The following CRELD1 variants were observed in gnomAD, a reference collection of about 807,000 sequenced individuals.
The protein encoded by CRELD1 is protein disulfide isomerase CRELD1.
A neutral mutation model predicts 58.2 loss-of-function variants in CRELD1; 42 were observed. The ratio of observed to expected loss-of-function variants is 0.72; its 90% CI spans 0.56 to 0.93. The LOEUF is 0.93. CRELD1 is among the 40% of genes least tolerant of loss of function. The probability of loss-of-function intolerance (pLI) is 0.00; values close to 1 mark genes in which losing one functional copy is unlikely to be tolerated. For synonymous variants in CRELD1, 222 were observed against 202.0 expected, an observed-to-expected ratio of 1.10 and a Z score of -0.84; for missense variants, 500 against 540.6, an observed-to-expected ratio of 0.92 and a Z score of 0.74.
intron 3 of CRELD1, among the ~76,000 whole-genome samples, chr3:9,937,025 A>G (rs2085214462): frequency 6.6e-6 from 1 of 152,196 alleles, no homozygotes; most frequent in Non-Finnish European, 1.5e-5. Flanking sequence ...AACATTGTCT[A>G]CAAGTTTTCG....
intron 1 of CRELD1, chr3:9,934,174 C>T: frequency 1.8e-6 from 1 of 544,396 alleles, no homozygotes; most frequent in Non-Finnish European, 3.3e-6. Flanking sequence ...CTTCTGCCCC[C>T]TTGTCAAGGA....
At chr3:9,934,270 C>T in intron 1 of CRELD1, 150 bp from the exon 2 acceptor site, 2 of 647,028 alleles carry the variant, frequency 3.1e-6, no homozygotes, top group South Asian at 1.7e-5. Flanking sequence ...TTTCCCCACC[C>T]ATCCCCACAG....
Position 9,943,161 on chromosome 3 carries a change from C to G in CRELD1, c.902C>G (p.Ser301Cys). 2 of 1,612,970 alleles carry G rather than the reference C, an allele frequency of 1.2e-6. No homozygotes were observed. Among genetic ancestry groups the G allele is most frequent in the Non-Finnish European group, 1.7e-6 (2 of 1,179,856 alleles). ...KCSPGYQQVG[S>C]KCLDVDECET... ...AGCCCTGGCTATCAGCAGGTGGGCT[C>G]CAAGTGTCTCGGTGAGTCTCCTGCT... is the stretch of plus-strand genomic sequence containing the variant. Residue 301 changes from serine to cysteine, a missense_variant, in exon 9 of 11, where the codon TCC (serine) becomes TGC (cysteine). By Grantham distance (112) the Ser-to-Cys change is moderately radical (BLOSUM62 -1). Coordinates refer to ENST00000452070, the MANE Select transcript of CRELD1 (RefSeq NM_001077415.3).
chr3:9,943,950 G>A, intron 10 of CRELD1: 5 of 1,398,266 alleles, frequency 3.6e-6, no homozygotes, highest in Non-Finnish European at 4.1e-6. Flanking sequence ...ACCCGACGCT[G>A]GAAGTTGGGT....
intron 10 of CRELD1, chr3:9,944,031 G>A: frequency 1.2e-6 from 1 of 861,680 alleles, no homozygotes; most frequent in Non-Finnish European, 2.0e-6. Context: ...GGGCTATATG[G>A]CAAGCAAGTC....
rs751134302 is a variant in CRELD1 at position 9,944,331 on chromosome 3, C to T, written c.1049-34C>T. 2.0e-5 allele frequency: 31 copies of T among 1,567,784 alleles called. 1 individual carries two copies. The highest frequency in any genetic ancestry group is 1.7e-4 in the Middle Eastern group (1 of 5,800). On this transcript the variant is annotated intron_variant, in intron 10 of 10. Coordinates refer to ENST00000452070, the MANE Select transcript of CRELD1 (RefSeq NM_001077415.3). ...CCAAGAACTACCAGGAACAGGGATA[C>T]GAGTGCCAGGCTGCATCTCTTGCTC...
intron 3 of CRELD1, among the ~76,000 whole-genome samples, chr3:9,935,441 G>A (rs2085162140): frequency 1.3e-5 from 2 of 152,158 alleles, no homozygotes; most frequent in African/African-American, 4.8e-5. Flanking sequence ...CAGAAAAAGT[G>A]ATACTGTCTT....
In CRELD1 at chr3:9,940,954, G is replaced by A. The variant is rs2124849361; in HGVS notation, c.565G>A (p.Gly189Ser). 1 of 1,614,178 alleles carries A rather than the reference G, an allele frequency of 6.2e-7. No individual in the cohort carries two copies. The highest frequency in any genetic ancestry group is 8.5e-7 in the Non-Finnish European group (1 of 1,180,036). ...GHCDCQAGYGGEACGQCGLGY... is the reference protein window; with the variant it reads ...GHCDCQAGYGSEACGQCGLGY... ...CTGTGACTGCCAAGCCGGCTACGGG[G>A]GTGAGGCCTGTGGCCAGTGTGGCCT... is the stretch of plus-strand genomic sequence containing the variant. Residue 189 changes from glycine (G) to serine (S), a missense_variant, in exon 6 of 11, where the codon GGT becomes AGT. By Grantham distance (56) the Gly-to-Ser change is moderately conservative (BLOSUM62 0). Transcript: ENST00000452070.
rs570398496 is a variant in CRELD1 at position 9,940,039 on chromosome 3, C to T, written c.461-811C>T. Among the ~76,000 whole-genome samples, 11 of 152,052 alleles carry T rather than the reference C, an allele frequency of 7.2e-5. No homozygotes were observed. In the East Asian group the frequency reaches 1.6e-3, roughly 21 times the overall value. ...CTCACTTCCCAGACGGGGCGGCTGC[C>T]GGGCGGAGGGGCTCCTCACTTCTCA... is the stretch of plus-strand genomic sequence containing the variant. On this transcript the variant is annotated intron_variant, in intron 5 of 10. Transcript: ENST00000452070.
At chr3:9,941,357 CT>C in intron 7 of CRELD1, 151 bp downstream of exon 7, 1 of 651,438 alleles carries the variant, frequency 1.5e-6, no homozygotes, top group Non-Finnish European at 2.6e-6. Flanking sequence ...TAACCAGATA[CT>C]TACAGTCCAG....
chr3:9,936,479 G>A (rs1271990945), intron 3 of CRELD1, among the ~76,000 whole-genome samples: 1 of 151,586 alleles, frequency 6.6e-6, no homozygotes, highest in East Asian at 1.9e-4. Flanking sequence ...ATATGTGTGT[G>A]TGTATATATA....
chr3:9,939,775 C>T (rs1223049105), intron 5 of CRELD1, among the ~76,000 whole-genome samples: 3 of 152,016 alleles, frequency 2.0e-5, no homozygotes, highest in Non-Finnish European at 4.4e-5. Flanking sequence ...TCAGTGTTTT[C>T]CCCACCTTTC....
At chr3:9,934,685 C>T in intron 2 of CRELD1, 73 bp downstream of exon 2, 1 of 1,570,796 alleles carries the variant, frequency 6.4e-7, no homozygotes. Flanking sequence ...TGCAAATCTG[C>T]GTGGATTTAA....
Position 9,942,897 on chromosome 3 carries a change from G to T in CRELD1, c.817+1G>T, listed in dbSNP as rs750717859. 1 of 1,613,554 alleles carries T rather than the reference G, an allele frequency of 6.2e-7. No homozygotes were observed. Among genetic ancestry groups the T allele is most frequent in the Non-Finnish European group, 8.5e-7 (1 of 1,179,428 alleles). ...ACTGAGGGCTCCTATGAGTGCCGAGGTCAGTGTCTACTTCTGCAGAGGAGG... is the reference window on the plus strand; with the variant it reads ...ACTGAGGGCTCCTATGAGTGCCGAGTTCAGTGTCTACTTCTGCAGAGGAGG... On this transcript the variant is annotated splice_donor_variant, in intron 8 of 10. Transcript: ENST00000452070. LOFTEE classifies it high-confidence loss of function.
Position 9,933,928 on chromosome 3 carries a change from T to A in CRELD1, c.-20+8T>A. The A allele has an allele frequency of 2.6e-6, 1 of 388,640 alleles. No homozygotes were observed. The highest frequency in any genetic ancestry group is 4.5e-5 in the Admixed American group (1 of 22,208). 24.1% of individuals were successfully genotyped at this position (388,640 alleles called of 1,614,324 possible). A position where few individuals can be genotyped will look rare whatever the true frequency, so the allele number is the denominator to read the frequency against. ...TCTCCGTGGCCTACGAGGGTCTGGA[T>A]CCTTCTCTGCCGGCTCGTGGGCCGT... On this transcript the variant is annotated splice_region_variant and intron_variant, in intron 1 of 10. Coordinates refer to ENST00000452070, the MANE Select transcript of CRELD1 (RefSeq NM_001077415.3).
At position 9,940,960 on chromosome 3, in the gene CRELD1, G is replaced by T; in HGVS notation, c.571G>T (p.Ala191Ser). The change falls in exon 6 of 11, where the codon GCC becomes TCC. Residue 191 changes from alanine (A) to serine (S), a missense_variant. Physicochemically the swap from Ala to Ser is moderately conservative, Grantham distance 99. Transcript: ENST00000452070. ...CDCQAGYGGEACGQCGLGYFE... is the reference protein window; with the variant it reads ...CDCQAGYGGESCGQCGLGYFE... ...CTGCCAAGCCGGCTACGGGGGTGAG[G>T]CCTGTGGCCAGTGTGGCCTTGGCTA... is the stretch of plus-strand genomic sequence containing the variant. The T allele has an allele frequency of 6.2e-7, 1 of 1,614,188 alleles. No homozygotes were observed. Among genetic ancestry groups the T allele is most frequent in the Non-Finnish European group, 8.5e-7 (1 of 1,180,034 alleles).
At chr3:9,934,273 C>A in intron 1 of CRELD1, 147 bp from the exon 2 acceptor site, 39 of 638,746 alleles carry the variant, frequency 6.1e-5, no homozygotes, top group Non-Finnish European at 6.5e-5. Flanking sequence ...CCCCACCCAT[C>A]CCCACAGCCC....
intron 3 of CRELD1, among the ~76,000 whole-genome samples, 176 bp from the exon 4 acceptor site, chr3:9,937,386 C>G (rs1438696730): frequency 6.6e-6 from 1 of 152,080 alleles, no homozygotes; most frequent in South Asian, 2.1e-4. Context: ...CCCACTAGAT[C>G]TACCACTAGA....
In CRELD1 at chr3:9,933,851, C is replaced by T. The variant is rs1001872511; in HGVS notation, c.-89C>T. The T allele has an allele frequency of 3.9e-6, 2 of 513,096 alleles. No individual in the cohort carries two copies. The highest frequency in any genetic ancestry group is 6.9e-6 in the Non-Finnish European group (2 of 290,910). The allele number at this position is 513,096 out of a possible 1,614,324, so 31.8% of individuals were successfully genotyped here. ...TTTTACGCAGGCTGTGGCAGCGACG[C>T]GGTGAGGAGACGGCCCACGGCGCCC... On this transcript the variant is annotated 5_prime_UTR_variant, in exon 1 of 11. Transcript: ENST00000452070.
Sources: gnomAD v4.1 joint callset for allele counts (sites outside exome capture counted in the v4.1 genomes callset) on GRCh38, gnomAD v4.1.1 for gene constraint, MANE v1.5 for transcripts, NCBI Gene and HGNC (gene_info 2026-07-23, HGNC 2026-07-21) for gene names.